B3GALNT1: variants seen among roughly 807,000 people sequenced by gnomAD.
B3GALNT1 encodes beta-1,3-N-acetylgalactosaminyltransferase 1 (Globoside blood group).
Under a neutral mutation model 27.3 loss-of-function variants are expected in B3GALNT1, and 17 were observed. The ratio of observed to expected loss-of-function variants is 0.62; its 90% confidence interval spans 0.43 to 0.94. The LOEUF (loss-of-function observed/expected upper bound fraction) is 0.94. Ranked by LOEUF, B3GALNT1 falls within the 40% of genes least tolerant of loss-of-function variation. The pLI, the probability that B3GALNT1 is intolerant of heterozygous loss-of-function variation, is 0.00. For missense variants in B3GALNT1, 347 were observed against 390.0 expected, an observed-to-expected ratio of 0.89 and a Z score of 0.93; for synonymous variants, 141 against 144.0, an observed-to-expected ratio of 0.98 and a Z score of 0.15.
chr3:161,094,193 C>T (rs1325587300), intron 4 of B3GALNT1, among the ~76,000 whole-genome samples: 1 of 152,170 alleles, frequency 6.6e-6, no homozygotes, highest in African/African-American at 2.4e-5. Context: ...CTAAGGAGCT[C>T]TTCTGACCAG....
At chr3:161,095,280 G>C (rs1187114204) in intron 4 of B3GALNT1, among the ~76,000 whole-genome samples, 1 of 152,174 alleles carries the variant, frequency 6.6e-6, no homozygotes, top group African/African-American at 2.4e-5. Flanking sequence ...ACTTAGGAGA[G>C]TCCTTCCCTG....
intron 1 of B3GALNT1, chr3:161,104,637 T>C (rs1733302668): frequency 8.8e-6 from 2 of 227,940 alleles, no homozygotes; most frequent in Non-Finnish European, 1.8e-5. Context: ...CCTAGCCCCG[T>C]GGGATTTCCT....
chr3:161,090,837 A>G (rs1724692377), intron 4 of B3GALNT1, among the ~76,000 whole-genome samples: 1 of 152,232 alleles, frequency 6.6e-6, no homozygotes. Context: ...TACTATACCA[A>G]TCTCTTACTT....
Position 161,085,873 on chromosome 3 carries a change from T to C in B3GALNT1, c.882A>G (p.Arg294=), listed in dbSNP as rs372944991. Residue 294 remains arginine, a synonymous_variant, in exon 5 of 5, where the codon AGA becomes AGG. Coordinates refer to ENST00000320474, the MANE Select transcript of B3GALNT1 (RefSeq NM_003781.4). ...PEDTNLFFLY[R]IHLDVCQLRR... The stretch of plus-strand genomic sequence containing the variant: ...TCAGTTGACAGACATCCAAATGGAT[T>C]CTATATAGAAAGAAAAGATTTGTGT... The C allele has an allele frequency of 3.7e-6, 6 of 1,613,980 alleles. No homozygotes were observed. The highest frequency in any genetic ancestry group is 2.2e-5 in the East Asian group (1 of 44,870).
At chr3:161,105,073 C>T (rs1291084254) in intron 1 of B3GALNT1, 162 bp downstream of exon 1, 1 of 152,248 alleles carries the variant, frequency 6.6e-6, no homozygotes, top group African/African-American at 2.4e-5. Flanking sequence ...GGCCACGCTC[C>T]GCTCTAGAGG....
intron 3 of B3GALNT1, among the ~76,000 whole-genome samples, chr3:161,101,753 G>A (rs1731399647): frequency 6.6e-6 from 1 of 152,206 alleles, no homozygotes; most frequent in Non-Finnish European, 1.5e-5. Context: ...CATAAATTTA[G>A]AGCCTGTTAT....
Position 161,086,305 on chromosome 3 carries a change from G to T in B3GALNT1, c.450C>A (p.Asp150Glu), listed in dbSNP as rs764927984. 22 of 1,614,030 alleles carry T rather than the reference G, an allele frequency of 1.4e-5. No individual in the cohort carries two copies. Among genetic ancestry groups the T allele is most frequent in the Non-Finnish European group, 1.9e-5 (22 of 1,180,038 alleles). ...TTTTCAAGGTCAGGTTATTATATGT[G>T]TCTAAAAAATCTTGTCGGATTATGT... ...YGDIIRQDFL[D>E]TYNNLTLKTI... is the part of the protein sequence containing the mutation. The change falls in exon 5 of 5, where the codon GAC (aspartate) becomes GAA (glutamate). Residue 150 changes from aspartate (D) to glutamate (E), a missense_variant. Asp to Glu is a conservative substitution (Grantham distance 45). Coordinates refer to ENST00000320474, the MANE Select transcript of B3GALNT1 (RefSeq NM_003781.4).
intron 4 of B3GALNT1, among the ~76,000 whole-genome samples, chr3:161,096,132 G>C (rs1728024989): frequency 6.6e-6 from 1 of 152,174 alleles, no homozygotes; most frequent in African/African-American, 2.4e-5. Flanking sequence ...TAGGCTCTCT[G>C]TAATATTTGC....
intron 4 of B3GALNT1, among the ~76,000 whole-genome samples, chr3:161,092,747 C>G (rs1725860267): frequency 6.8e-6 from 1 of 146,806 alleles, no homozygotes; most frequent in East Asian, 2.0e-4. Flanking sequence ...GTTACCTTCT[C>G]AAAAGTTTCA....
At chr3:161,088,548 A>G (rs752623357) in intron 4 of B3GALNT1, among the ~76,000 whole-genome samples, 2 of 152,118 alleles carry the variant, frequency 1.3e-5, no homozygotes, top group Non-Finnish European at 2.9e-5. Context: ...CTTGCCATAC[A>G]CTGCCAATCC....
chr3:161,089,988 A>G, intron 4 of B3GALNT1: 1 of 253,128 alleles, frequency 4.0e-6, no homozygotes, highest in Non-Finnish European at 8.9e-6. Context: ...AGAACTGCTT[A>G]AACCTGAGAG....
intron 4 of B3GALNT1, among the ~76,000 whole-genome samples, chr3:161,097,390 G>T (rs906931729): frequency 6.6e-6 from 1 of 152,072 alleles, no homozygotes; most frequent in Non-Finnish European, 1.5e-5. Flanking sequence ...TACAAACCTT[G>T]CTCCTAACTC....
At chr3:161,103,774 C>A (rs1461008942) in intron 2 of B3GALNT1, among the ~76,000 whole-genome samples, 1 of 152,164 alleles carries the variant, frequency 6.6e-6, no homozygotes, top group African/African-American at 2.4e-5. Flanking sequence ...GTTGCCCAGG[C>A]TGGAGTGCAA....
chr3:161,104,523 C>A, intron 1 of B3GALNT1, 117 bp from the exon 2 acceptor site: 1 of 411,996 alleles, frequency 2.4e-6, no homozygotes, highest in Admixed American at 3.7e-5. Context: ...TTGAGGATGG[C>A]ATCATTCCTT....
At chr3:161,089,370 A>T (rs1395921394) in intron 4 of B3GALNT1, among the ~76,000 whole-genome samples, 1 of 151,734 alleles carries the variant, frequency 6.6e-6, no homozygotes, top group Non-Finnish European at 1.5e-5. Context: ...AGGGGCAAAA[A>T]ATTTTTTCAT....
chr3:161,097,129 G>T (rs1003099028), intron 4 of B3GALNT1, among the ~76,000 whole-genome samples: 2 of 152,212 alleles, frequency 1.3e-5, no homozygotes, highest in Non-Finnish European at 2.9e-5. Context: ...TGGACATACT[G>T]AAGTTTGAGA....
chr3:161,100,224 T>C (rs1383401049), intron 4 of B3GALNT1, among the ~76,000 whole-genome samples: 1 of 152,228 alleles, frequency 6.6e-6, no homozygotes, highest in Non-Finnish European at 1.5e-5. Flanking sequence ...ATAGAAAAGG[T>C]TTCATTTTGG....
chr3:161,085,987 C>T lies in B3GALNT1; in HGVS notation c.768G>A (p.Met256Ile), dbSNP rs1023620311. 1 of 1,587,904 alleles carries T rather than the reference C, an allele frequency of 6.3e-7. No individual in the cohort carries two copies. The highest frequency in any genetic ancestry group is 8.6e-7 in the Non-Finnish European group (1 of 1,168,424). ...SRDLVPRIYE[M>I]MGHVKPIKFE... ...ACTTGATGGGTTTTACGTGACCCAT[C>T]ATTTCATAGATCCTTGGCACCAAAT... Residue 256 changes from methionine to isoleucine, a missense_variant, in exon 5 of 5, where the codon ATG becomes ATA. Met to Ile is a conservative substitution (Grantham distance 10). Coordinates refer to ENST00000320474, the MANE Select transcript of B3GALNT1 (RefSeq NM_003781.4).
At chr3:161,102,883 G>A (rs1732130690) in intron 3 of B3GALNT1, among the ~76,000 whole-genome samples, 1 of 152,176 alleles carries the variant, frequency 6.6e-6, no homozygotes, top group Non-Finnish European at 1.5e-5. Flanking sequence ...AAAGCTGGAG[G>A]CTGGGCACAA....
Sources: gnomAD v4.1 joint callset for allele counts (sites outside exome capture counted in the v4.1 genomes callset) on GRCh38, gnomAD v4.1.1 for gene constraint, MANE v1.5 for transcripts, NCBI Gene and HGNC (gene_info 2026-07-23, HGNC 2026-07-21) for gene names.